Variants in THRB observed in about 807,000 individuals in gnomAD.
THRB encodes thyroid hormone receptor beta, also known as nuclear receptor subfamily 1 group A member 2.
In THRB, 12 loss-of-function variants were observed where a neutral mutation model predicts 47.8. The ratio of observed to expected loss-of-function variants is 0.25; its 90% CI spans 0.16 to 0.41. THRB has a LOEUF of 0.41. Among genes scored for constraint, THRB ranks in the 10% least tolerant of loss-of-function variants. The probability of loss-of-function intolerance (pLI) is 1.00; values close to 1 mark genes in which losing one functional copy is unlikely to be tolerated. For missense variants in THRB, 348 were observed against 589.2 expected (o/e 0.59, Z 4.24); for synonymous variants, 218 against 212.2 (o/e 1.03, Z -0.24).
At chr3:24,333,324 G>T (rs1052543199) in intron 2 of THRB, among the ~76,000 whole-genome samples, 1 of 152,166 alleles carries the variant, frequency 6.6e-6, no homozygotes, top group African/African-American at 2.4e-5. Context: ...GACCAAGGAA[G>T]AAGAAAAGCA....
intron 3 of THRB, among the ~76,000 whole-genome samples, chr3:24,284,875 C>T (rs1026645311): frequency 1.3e-5 from 2 of 152,288 alleles, no homozygotes; most frequent in African/African-American, 2.4e-5. Flanking sequence ...ATTAAAACCA[C>T]AAAGAGATAC....
chr3:24,481,241 T>G (rs946512223), intron 1 of THRB, among the ~76,000 whole-genome samples: 5 of 146,322 alleles, frequency 3.4e-5, no homozygotes, highest in South Asian at 4.6e-4. Flanking sequence ...TTTTTTTTTT[T>G]TTTTTTTTTT....
chr3:24,442,865 G>T (rs1172503524), intron 1 of THRB, among the ~76,000 whole-genome samples: 1 of 150,716 alleles, frequency 6.6e-6, no homozygotes, highest in East Asian at 2.0e-4. Context: ...GAAAACTAAG[G>T]AATAATAACT....
chr3:24,210,603 T>C (rs1042237515), intron 4 of THRB, among the ~76,000 whole-genome samples: 1 of 152,190 alleles, frequency 6.6e-6, no homozygotes, highest in African/African-American at 2.4e-5. Context: ...GTGCTGAGAC[T>C]GAGAAACTGT....
At chr3:24,456,081 C>A (rs919983042) in intron 1 of THRB, among the ~76,000 whole-genome samples, 5 of 152,134 alleles carry the variant, frequency 3.3e-5, no homozygotes, top group Non-Finnish European at 7.4e-5. Context: ...ATTATCCCAG[C>A]ACTTTGGGAG....
intron 1 of THRB, among the ~76,000 whole-genome samples, chr3:24,453,761 T>C (rs1175116071): frequency 6.6e-6 from 1 of 152,172 alleles, no homozygotes; most frequent in African/African-American, 2.4e-5. Context: ...CCAGACTTTG[T>C]CTCCTACCCT....
At chr3:24,364,087 G>C (rs987243168) in intron 1 of THRB, among the ~76,000 whole-genome samples, 2 of 152,072 alleles carry the variant, frequency 1.3e-5, no homozygotes, top group Non-Finnish European at 2.9e-5. Context: ...TACATACTGG[G>C]TTCAGTTATA....
chr3:24,125,730 T>G (rs2032635046), intron 10 of THRB, among the ~76,000 whole-genome samples: 2 of 152,156 alleles, frequency 1.3e-5, no homozygotes, highest in Non-Finnish European at 2.9e-5. Context: ...ACATGGCGGT[T>G]TACTTCATGA....
At chr3:24,285,531 A>G (rs2055184115) in intron 3 of THRB, among the ~76,000 whole-genome samples, 1 of 151,432 alleles carries the variant, frequency 6.6e-6, no homozygotes, top group South Asian at 2.1e-4. Context: ...ATGTATACAT[A>G]TGTAACTAAC....
rs200328036 is a variant in THRB, at chr3:24,313,786, C to CT, written c.-188-16416dup. Among the ~76,000 whole-genome samples, 494 of 149,818 alleles carry CT rather than the reference C, an allele frequency of 3.3e-3. 2 individuals are homozygous for CT. Among genetic ancestry groups the CT allele is most frequent in the African/African-American group, 0.011 (427 of 40,494 alleles). The stretch of plus-strand genomic sequence containing the variant: ...GTTCATTCACAGTTTGGTTCAAAGG[C>CT]TTTTTTTAAAAAAAAAAACAACTTT... On this transcript the variant is annotated intron_variant, in intron 2 of 10. Coordinates refer to ENST00000646209, the MANE Select transcript of THRB (RefSeq NM_001354712.2).
At chr3:24,396,379 GA>G (rs2066963411) in intron 1 of THRB, among the ~76,000 whole-genome samples, 2 of 49,686 alleles carry the variant, frequency 4.0e-5, no homozygotes, top group South Asian at 1.8e-3. Context: ...GGCCAACGGT[GA>G]AAACACTGAG....
At chr3:24,158,629 C>T (rs558232059) in intron 5 of THRB, among the ~76,000 whole-genome samples, 1 of 152,212 alleles carries the variant, frequency 6.6e-6, no homozygotes, top group Admixed American at 6.5e-5. Flanking sequence ...GGGGTTTTGT[C>T]ATGTTGGCCA....
intron 4 of THRB, among the ~76,000 whole-genome samples, chr3:24,199,715 T>A (rs1327285112): frequency 6.6e-6 from 1 of 152,206 alleles, no homozygotes; most frequent in Non-Finnish European, 1.5e-5. Context: ...TAAAACAATT[T>A]TAAAGTTTGT....
intron 1 of THRB, among the ~76,000 whole-genome samples, chr3:24,388,641 T>C (rs1008095740): frequency 6.6e-6 from 1 of 152,154 alleles, no homozygotes; most frequent in African/African-American, 2.4e-5. Flanking sequence ...AGTTGAGGGA[T>C]AGTGTTCCAT....
intron 5 of THRB, among the ~76,000 whole-genome samples, chr3:24,153,036 G>A (rs1157489307): frequency 1.3e-5 from 2 of 151,880 alleles, no homozygotes; most frequent in Non-Finnish European, 2.9e-5. Flanking sequence ...GTGCAGGTGG[G>A]AATGGCAGGA....
intron 1 of THRB, among the ~76,000 whole-genome samples, chr3:24,411,251 A>AT (rs1191867639): frequency 6.6e-6 from 1 of 151,758 alleles, no homozygotes; most frequent in Non-Finnish European, 1.5e-5. Flanking sequence ...AATTTGGGCC[A>AT]TTTTCTCAAT....
At chr3:24,178,047 G>A (rs143148834) in intron 5 of THRB, among the ~76,000 whole-genome samples, 5 of 152,184 alleles carry the variant, frequency 3.3e-5, no homozygotes, top group Non-Finnish European at 5.9e-5. Context: ...CCTTAAAAAT[G>A]TCACAGGGGA....
intron 1 of THRB, among the ~76,000 whole-genome samples, chr3:24,453,716 T>C (rs1005191805): frequency 2.0e-5 from 3 of 152,210 alleles, no homozygotes; most frequent in Non-Finnish European, 4.4e-5. Context: ...TAATGTGGTC[T>C]CTAAGGTGTA....
At chr3:24,318,031 C>T (rs2058240833) in intron 2 of THRB, among the ~76,000 whole-genome samples, 1 of 152,010 alleles carries the variant, frequency 6.6e-6, no homozygotes, top group Non-Finnish European at 1.5e-5. Flanking sequence ...TGTACTCTAC[C>T]TTGTCTCAAA....
Sources: allele counts gnomAD v4.1 joint callset (sites outside exome capture counted in the v4.1 genomes callset), GRCh38; gene constraint gnomAD v4.1.1; transcripts MANE v1.5; gene names NCBI Gene and HGNC (gene_info 2026-07-23, HGNC 2026-07-21).